Variants in RIMBP2 observed in about 807,000 individuals in gnomAD.
The protein encoded by RIMBP2 is RIMS-binding protein 2.
RIMBP2 carries 48 observed loss-of-function variants against 118.6 expected under a neutral mutation model. That is an observed-to-expected ratio of 0.40 (90% CI 0.32 to 0.51). The LOEUF (loss-of-function observed/expected upper bound fraction) is 0.51, where lower values mean the gene tolerates loss of function less well. Among genes scored for constraint, RIMBP2 ranks in the 20% least tolerant of loss-of-function variants. RIMBP2 has a pLI of 0.41. For missense variants in RIMBP2, 1,551 were observed against 1,768.3 expected, an observed-to-expected ratio of 0.88 and a Z score of 2.20; for synonymous variants, 762 against 742.9, an observed-to-expected ratio of 1.03 and a Z score of -0.42.
At chr12:130,406,451 G>C (rs926410002) in intron 20 of RIMBP2, among the ~76,000 whole-genome samples, 2 of 152,114 alleles carry the variant, frequency 1.3e-5, no homozygotes, top group Non-Finnish European at 2.9e-5. Context: ...GCACCTAAAA[G>C]GAAAATGCTG....
intron 2 of RIMBP2, among the ~76,000 whole-genome samples, chr12:130,535,621 C>CTT (rs1375559013): frequency 1.9e-4 from 29 of 150,984 alleles, no homozygotes; most frequent in Middle Eastern, 3.5e-3. Context: ...AAACACAGCT[C>CTT]TCTCTATATA....
chr12:130,552,832 T>C (rs911339621), intron 2 of RIMBP2, among the ~76,000 whole-genome samples: 3 of 152,138 alleles, frequency 2.0e-5, no homozygotes, highest in African/African-American at 7.2e-5. Context: ...GGTCATTCCA[T>C]TTTGCAGCAA....
At chr12:130,451,985 G>A (rs369096866) in intron 7 of RIMBP2, among the ~76,000 whole-genome samples, 16 of 152,172 alleles carry the variant, frequency 1.1e-4, no homozygotes, top group African/African-American at 2.9e-4. Flanking sequence ...TTCTTATCCC[G>A]TCCTATCCTC....
chr12:130,453,996 C>G (rs1419337226), intron 7 of RIMBP2, among the ~76,000 whole-genome samples: 2 of 151,634 alleles, frequency 1.3e-5, no homozygotes, highest in Non-Finnish European at 2.9e-5. Flanking sequence ...GGGGCTTGTA[C>G]TGAGCCGAGA....
In RIMBP2 at chr12:130,442,747, AC is replaced by A; in HGVS notation, c.692-88del. 2 of 1,158,212 alleles carry A rather than the reference AC, an allele frequency of 1.7e-6. No individual in the cohort carries two copies. The highest frequency in any genetic ancestry group is 2.4e-6 in the Non-Finnish European group (2 of 820,502). 71.7% of individuals were successfully genotyped at this position (1,158,212 alleles called of 1,614,324 possible). A position where few individuals can be genotyped will look rare whatever the true frequency, so the allele number is the denominator to read the frequency against. On this transcript the variant is annotated intron_variant, in intron 10 of 22. Transcript: ENST00000690449. This position sits in a 1 kb window ranked among gnomAD's most constrained non-coding sequence, Gnocchi z 6.9. Reference sequence around the variant, plus strand: ...GTGTACTCCCACCTCCCCCACCAGGACCATAAGGCAGAGCAACAGGGTTGCC... The same window carrying A: ...GTGTACTCCCACCTCCCCCACCAGGACATAAGGCAGAGCAACAGGGTTGCC...
chr12:130,519,500 G>A (rs145829754), intron 2 of RIMBP2, among the ~76,000 whole-genome samples: 206 of 152,330 alleles, frequency 1.4e-3, no homozygotes, highest in African/African-American at 4.8e-3. Flanking sequence ...GGTCTGGATG[G>A]CATAACATTT....
intron 6 of RIMBP2, among the ~76,000 whole-genome samples, chr12:130,460,832 G>A (rs2079916228): frequency 6.6e-6 from 1 of 152,142 alleles, no homozygotes; most frequent in Non-Finnish European, 1.5e-5. Flanking sequence ...AGGCCCACGG[G>A]CAGCAGTGAC....
intron 2 of RIMBP2, among the ~76,000 whole-genome samples, chr12:130,554,569 T>C (rs2056154908): frequency 6.6e-6 from 1 of 152,190 alleles, no homozygotes. Context: ...ACAACAGAAG[T>C]TGTCAGTGAA....
chr12:130,646,161 CCCTCACCACCTG>C (rs1254482601), intron 1 of RIMBP2, among the ~76,000 whole-genome samples: 16 of 81,652 alleles, frequency 2.0e-4, no homozygotes, highest in Non-Finnish European at 2.9e-4. Flanking sequence ...CTCTCCACCT[CCCTCACCACCTG>C]CCTCTCCACC....
At chr12:130,549,542 G>C (rs1001853650) in intron 2 of RIMBP2, among the ~76,000 whole-genome samples, 1 of 152,164 alleles carries the variant, frequency 6.6e-6, no homozygotes, top group African/African-American at 2.4e-5. Context: ...CCCAGTGTCT[G>C]CTGTTCCCCT....
chr12:130,565,769 C>A (rs528470919), intron 2 of RIMBP2, among the ~76,000 whole-genome samples: 39 of 152,252 alleles, frequency 2.6e-4, no homozygotes, highest in African/African-American at 8.2e-4. Flanking sequence ...CACAGCAGCA[C>A]AAAGGGTGAT....
At chr12:130,650,698 C>T (rs1323888833) in intron 1 of RIMBP2, among the ~76,000 whole-genome samples, 1 of 152,122 alleles carries the variant, frequency 6.6e-6, no homozygotes, top group Non-Finnish European at 1.5e-5. Context: ...TCTGAAGACC[C>T]CTTTCCACCA....
rs555184320 is a variant in RIMBP2 at position 130,598,062 on chromosome 12, A to G, written c.-217+30260T>C. On this transcript the variant is annotated intron_variant, in intron 2 of 22. Coordinates refer to ENST00000690449, the MANE Select transcript of RIMBP2 (RefSeq NM_001393629.1). Reference sequence around the variant, plus strand: ...CAAGGTAGCAGAAAAGGAGATCAACATACAAAAAATAATGTGTCACTATAT... The same window carrying G: ...CAAGGTAGCAGAAAAGGAGATCAACGTACAAAAAATAATGTGTCACTATAT... Among the ~76,000 whole-genome samples, 4 of 152,382 alleles carry G rather than the reference A, an allele frequency of 2.6e-5. No individual in the cohort carries two copies. In the East Asian group the frequency reaches 5.8e-4, roughly 22 times the overall value.
intron 1 of RIMBP2, among the ~76,000 whole-genome samples, chr12:130,664,405 A>ACG (rs1207510216): frequency 1.1e-5 from 1 of 90,186 alleles, no homozygotes; most frequent in African/African-American, 3.9e-5. Context: ...ACACGCACGC[A>ACG]CGCACGCACA....
intron 3 of RIMBP2, among the ~76,000 whole-genome samples, chr12:130,510,862 A>ATGATG (rs2050843020): frequency 6.6e-6 from 1 of 151,968 alleles, no homozygotes; most frequent in Non-Finnish European, 1.5e-5. Flanking sequence ...CTTTTTGTTT[A>ATGATG]CCAGAATGAT....
In RIMBP2 at chr12:130,438,545, G is replaced by A. The variant is rs757085150; in HGVS notation, c.1505-29C>T. On this transcript the variant is annotated intron_variant, in intron 11 of 22. Transcript: ENST00000690449. Reference sequence around the variant, plus strand: ...GGAGGGGACAGAAGGGAACGGAGGCGTTCAGGGACCAGCCCTGGCAGGTGA... The same window carrying A: ...GGAGGGGACAGAAGGGAACGGAGGCATTCAGGGACCAGCCCTGGCAGGTGA... 42 of 1,537,016 alleles carry A rather than the reference G, an allele frequency of 2.7e-5. No homozygotes were observed. The Admixed American group carries it at 2.8e-4, about 10-fold the overall frequency.
intron 5 of RIMBP2, among the ~76,000 whole-genome samples, chr12:130,476,451 T>G (rs2081436524): frequency 6.6e-6 from 1 of 152,142 alleles, no homozygotes; most frequent in South Asian, 2.1e-4. Flanking sequence ...TGCCTCATGG[T>G]GCAGGCACCA....
At chr12:130,580,615 C>T (rs865823678) in intron 2 of RIMBP2, among the ~76,000 whole-genome samples, 1 of 152,208 alleles carries the variant, frequency 6.6e-6, no homozygotes, top group Middle Eastern at 3.2e-3. Flanking sequence ...TTTTGTTCAT[C>T]AGGGACTGCA....
chr12:130,675,866 G>T (rs2064437021), intron 1 of RIMBP2, among the ~76,000 whole-genome samples: 1 of 152,172 alleles, frequency 6.6e-6, no homozygotes, highest in African/African-American at 2.4e-5. Flanking sequence ...CTGAATGTGG[G>T]ACCCCCGGCT....
Sources: gnomAD v4.1 joint callset for allele counts (sites outside exome capture counted in the v4.1 genomes callset) on GRCh38, gnomAD v4.1.1 for gene constraint, Gnocchi (gnomAD v3.1) non-coding constraint, MANE v1.5 for transcripts, NCBI Gene and HGNC (gene_info 2026-07-23, HGNC 2026-07-21) for gene names.